Variants in ZAN observed in about 807,000 individuals in gnomAD.
The protein encoded by ZAN is zonadhesin.
In ZAN, 260 loss-of-function variants were observed where a neutral mutation model predicts 286.2. The ratio of observed to expected loss-of-function variants is 0.91; its 90% CI spans 0.82 to 1.01. The LOEUF (loss-of-function observed/expected upper bound fraction) is 1.01. Ranked by LOEUF, ZAN falls within the 50% of genes least tolerant of loss-of-function variation. The pLI is 0.00. For missense variants in ZAN, 3,410 were observed against 3,639.2 expected, an observed-to-expected ratio of 0.94 and a Z score of 1.62; for synonymous variants, 1,368 against 1,417.5, an observed-to-expected ratio of 0.97 and a Z score of 0.79.
At chr7:100,753,337 T>C (rs1412417178) in intron 14 of ZAN, 108 bp downstream of exon 14, 1 of 1,241,908 alleles carries the variant, frequency 8.1e-7, no homozygotes, top group African/African-American at 1.5e-5. Context: ...TGCTTCTAGA[T>C]GCTTCTAGTA....
chr7:100,767,602 A>C (rs2116055982), intron 25 of ZAN, among the ~76,000 whole-genome samples: 1 of 150,726 alleles, frequency 6.6e-6, no homozygotes, highest in South Asian at 2.1e-4. Context: ...CGGCCTCCTA[A>C]GTAGCTGCAA....
intron 20 of ZAN, among the ~76,000 whole-genome samples, chr7:100,762,771 CCT>C (rs1809688215): frequency 6.6e-6 from 1 of 151,042 alleles, no homozygotes; most frequent in African/African-American, 2.4e-5. Context: ...ATGGGATCTC[CCT>C]CTGTCTTCCA....
In ZAN at chr7:100,786,036, T is replaced by C. The variant is rs1192085028; in HGVS notation, c.6874T>C (p.Cys2292Arg). ...GGTCTCCAGCGGTTGCACGGAGAAGTGTGTCTGCACGGGAGGAGCCATTCA... is the reference window on the plus strand; with the variant it reads ...GGTCTCCAGCGGTTGCACGGAGAAGCGTGTCTGCACGGGAGGAGCCATTCA... ...SWVSSGCTEK[C>R]VCTGGAIQCG... is the part of the protein sequence containing the mutation. The change falls in exon 37 of 48, where the codon TGT becomes CGT. Residue 2292 changes from cysteine to arginine, a missense_variant. This residue lies in a region of ZAN where 1,289 missense variants were observed against 1,314.3 expected (regional missense o/e 0.98). Coordinates refer to ENST00000613979, the MANE Select transcript of ZAN (RefSeq NM_003386.3). The C allele has an allele frequency of 1.2e-6, 2 of 1,613,952 alleles. No homozygotes were observed. Among genetic ancestry groups the C allele is most frequent in the South Asian group, 1.1e-5 (1 of 91,086 alleles).
chr7:100,769,954 C>A lies in ZAN; in HGVS notation c.5228C>A (p.Ala1743Glu). The A allele has an allele frequency of 6.4e-7, 1 of 1,565,402 alleles. No individual in the cohort carries two copies. Among genetic ancestry groups the A allele is most frequent in the Non-Finnish European group, 8.7e-7 (1 of 1,154,488 alleles). ...SMADAWNKNC[A>E]ILINPQGPFS... is the part of the protein sequence containing the mutation. ...GCAGACGCCTGGAACAAGAACTGTG[C>A]GATCTTAATAAACCCTCAGGGTAAG... Residue 1743 changes from alanine (A) to glutamate (E), a missense_variant, in exon 28 of 48, where the codon GCG becomes GAG. By Grantham distance (107) the Ala-to-Glu change is moderately radical. Around this residue, in one of 7 missense-constraint regions of ZAN, gnomAD observed 1,042 missense variants for 1,058.0 expected, o/e 0.98. Coordinates refer to ENST00000613979, the MANE Select transcript of ZAN (RefSeq NM_003386.3).
Position 100,752,563 on chromosome 7 carries a change from GA to G in ZAN, c.2463del (p.Lys821AsnfsTer180), listed in dbSNP as rs1410343489. ...ISTEKPSIPM[E>X]KPTLPTEETT... ...CACAGAAAAACCCAGCATCCCCATG[GA>G]AAAACCCACTCTCCCCACTGAAGAA... On this transcript the variant is annotated frameshift_variant, in exon 14 of 48. Coordinates refer to ENST00000613979, the MANE Select transcript of ZAN (RefSeq NM_003386.3). LOFTEE classifies it high-confidence loss of function. The G allele has an allele frequency of 6.2e-7, 1 of 1,612,504 alleles. No homozygotes were observed. Among genetic ancestry groups the G allele is most frequent in the Non-Finnish European group, 8.5e-7 (1 of 1,179,688 alleles).
rs1810103885 is a variant in ZAN at position 100,767,876 on chromosome 7, CG to C, written c.4909del (p.Val1637Ter). On this transcript the variant is annotated frameshift_variant, in exon 26 of 48. Coordinates refer to ENST00000613979, the MANE Select transcript of ZAN (RefSeq NM_003386.3). LOFTEE classifies it high-confidence loss of function. ...CCTACCTGTGTGGCTTGCACAAGGC[CG>C]GGTGACCATAAGGCTCAGCAGCAAC... ...VALPVWLAQG[R>X]VTIRLSSNLV... The C allele has an allele frequency of 6.2e-7, 1 of 1,613,940 alleles. No homozygotes were observed. The highest frequency in any genetic ancestry group is 1.3e-5 in the African/African-American group (1 of 75,050).
intron 38 of ZAN, among the ~76,000 whole-genome samples, chr7:100,788,383 T>C (rs1270487118): frequency 6.6e-6 from 1 of 151,924 alleles, no homozygotes; most frequent in Non-Finnish European, 1.5e-5. Flanking sequence ...AGACGCAACA[T>C]CTCTGCAAAA....
Position 100,755,235 on chromosome 7 carries a change from C to G in ZAN, c.3134C>G (p.Pro1045Arg), listed in dbSNP as rs899903959. Residue 1045 changes from proline to arginine, a missense_variant, in exon 15 of 48, where the codon CCT (proline) becomes CGT (arginine). Coordinates refer to ENST00000613979, the MANE Select transcript of ZAN (RefSeq NM_003386.3). ...TTSRSSTERC[P>R]PNARYESCAC... ...GCTGTTTTCCCCTTAGAGCGCTGCC[C>G]TCCAAATGCCCGCTACGAATCCTGT... 1.3e-5 allele frequency: 21 copies of G among 1,612,290 alleles called. No individual in the cohort carries two copies. In the African/African-American group the frequency reaches 2.7e-4, roughly 21 times the overall value.
intron 34 of ZAN, among the ~76,000 whole-genome samples, chr7:100,777,255 G>A (rs1810883704): frequency 2.0e-5 from 3 of 152,040 alleles, no homozygotes; most frequent in Admixed American, 2.0e-4. Flanking sequence ...ATATTGGCCA[G>A]GCTGGTCTCG....
At chr7:100,783,661 G>T (rs1811333075) in intron 35 of ZAN, among the ~76,000 whole-genome samples, 2 of 138,646 alleles carry the variant, frequency 1.4e-5, no homozygotes, top group African/African-American at 5.4e-5. Context: ...TGGAACCAGG[G>T]AGGCAGAGGC....
chr7:100,756,281 G>A (rs1809141763), intron 15 of ZAN, among the ~76,000 whole-genome samples: 1 of 152,026 alleles, frequency 6.6e-6, no homozygotes, highest in Admixed American at 6.6e-5. Context: ...GTGCATTAAA[G>A]GGCCCAGCGT....
At position 100,735,755 on chromosome 7, in the gene ZAN, G is replaced by T. The variant is rs761235495; in HGVS notation, c.89G>T (p.Arg30Leu). 6.6e-7 allele frequency: 1 copy of T among 1,506,712 alleles called. No homozygotes were observed. Among genetic ancestry groups the T allele is most frequent in the African/African-American group, 1.4e-5 (1 of 70,286 alleles). The allele number at this position is 1,506,712 out of a possible 1,614,324, so 93.3% of individuals were successfully genotyped here. ...CCTCCGGACCAGAAGCTGGTTGTTC[G>T]CAGCTCTAGGGACAACTGTGAGTTG... Reference protein sequence around the residue: ...EKPPDQKLVVRSSRDNYVLTQ... With the variant: ...EKPPDQKLVVLSSRDNYVLTQ... The change falls in exon 3 of 48, where the codon CGC (arginine) becomes CTC (leucine). Residue 30 changes from arginine (R) to leucine (L), a missense_variant. Transcript: ENST00000613979.
intron 44 of ZAN, 135 bp from the exon 45 acceptor site, chr7:100,795,061 C>T: frequency 8.7e-7 from 1 of 1,155,092 alleles, no homozygotes; most frequent in Non-Finnish European, 1.2e-6. Flanking sequence ...GGTTGGGAGC[C>T]AGGCTGGCTG....
chr7:100,756,329 C>T (rs914979656), intron 15 of ZAN, among the ~76,000 whole-genome samples: 3 of 151,690 alleles, frequency 2.0e-5, no homozygotes, highest in Admixed American at 2.0e-4. Flanking sequence ...TTTAGCAGGC[C>T]GAAGTGGAGG....
rs746733655 is a variant in ZAN, at chr7:100,778,169, T to C, written c.6318-1277T>C. Among the ~76,000 whole-genome samples, 15 of 151,198 alleles carry C rather than the reference T, an allele frequency of 9.9e-5. 1 individual carries two copies. Among genetic ancestry groups the C allele is most frequent in the Non-Finnish European group, 1.8e-4 (12 of 67,902 alleles). On this transcript the variant is annotated intron_variant, in intron 34 of 47. Coordinates refer to ENST00000613979, the MANE Select transcript of ZAN (RefSeq NM_003386.3). ...ATTAAAAACAAAAATTAGCCAGCCA[T>C]GGTGGCACATGCCTGTAGTCCCAGC... is the stretch of plus-strand genomic sequence containing the variant.
chr7:100,779,826 C>T (rs1811085170), intron 35 of ZAN, 76 bp downstream of exon 35: 25 of 1,412,820 alleles, frequency 1.8e-5, no homozygotes, highest in Non-Finnish European at 2.3e-5. Flanking sequence ...AGCTCCCTCA[C>T]TCTCCTTCCT....
chr7:100,791,851 C>T (rs1811984101), intron 40 of ZAN, 115 bp from the exon 41 acceptor site: 1 of 1,297,286 alleles, frequency 7.7e-7, no homozygotes, highest in Non-Finnish European at 1.0e-6. Context: ...CCTCAGCCTC[C>T]CGGGTAGCTG....
chr7:100,758,079 C>A, intron 15 of ZAN, 123 bp from the exon 16 acceptor site: 1 of 928,460 alleles, frequency 1.1e-6, no homozygotes, highest in African/African-American at 1.8e-5. Context: ...GAGCAAGACT[C>A]CATCACAAAT....
At chr7:100,792,948 A>G (rs1221424369) in intron 42 of ZAN, among the ~76,000 whole-genome samples, 3 of 140,638 alleles carry the variant, frequency 2.1e-5, no homozygotes, top group Non-Finnish European at 4.6e-5. Flanking sequence ...ACACCACCAC[A>G]CTCCAGCCTG....
Sources: gnomAD v4.1 joint callset for allele counts (sites outside exome capture counted in the v4.1 genomes callset) on GRCh38, gnomAD v4.1.1 for gene constraint, gnomAD v4.1.1 regional missense constraint, MANE v1.5 for transcripts, NCBI Gene and HGNC (gene_info 2026-07-23, HGNC 2026-07-21) for gene names.